RFC4: variants seen among roughly 807,000 people sequenced by gnomAD.
RFC4 encodes the protein A1 37 kDa subunit.
In RFC4, 38 loss-of-function variants were observed where a neutral mutation model predicts 47.6. The ratio of observed to expected loss-of-function variants is 0.80; its 90% CI spans 0.62 to 1.05. The LOEUF (loss-of-function observed/expected upper bound fraction) is 1.05, where lower values mean the gene tolerates loss of function less well. RFC4 is among the 50% of genes least tolerant of loss of function. The probability of loss-of-function intolerance (pLI) is 0.00; values close to 1 mark genes in which losing one functional copy is unlikely to be tolerated. For missense variants in RFC4, 489 were observed against 434.0 expected, an observed-to-expected ratio of 1.13 and a Z score of -1.13; for synonymous variants, 164 against 150.0, an observed-to-expected ratio of 1.09 and a Z score of -0.68.
At chr3:186,802,530 T>C (rs1560094261) in intron 2 of RFC4, among the ~76,000 whole-genome samples, 2 of 152,124 alleles carry the variant, frequency 1.3e-5, no homozygotes, top group African/African-American at 2.4e-5. Flanking sequence ...ATTCAATTCA[T>C]TGAGGGCTAA....
intron 2 of RFC4, among the ~76,000 whole-genome samples, chr3:186,803,220 G>A (rs1464558227): frequency 6.6e-6 from 1 of 151,970 alleles, no homozygotes; most frequent in Non-Finnish European, 1.5e-5. Context: ...GGGCATGTCT[G>A]TAATCCCAGC....
chr3:186,802,166 A>G lies in RFC4; in HGVS notation c.132-971T>C, dbSNP rs866178583. On this transcript the variant is annotated intron_variant, in intron 2 of 10. Transcript: ENST00000296273. The stretch of plus-strand genomic sequence containing the variant: ...TCAGGAGTTTGAGACCAGCCTGGTC[A>G]ACATGGTGAAACCCCGTCTGTATTA... 2.6e-5 allele frequency among the ~76,000 whole-genome samples: 4 copies of G among 152,252 alleles called. No homozygotes were observed. The South Asian group carries it at 6.2e-4, about 24-fold the overall frequency.
chr3:186,789,931 T>A lies in RFC4; in HGVS notation c.*38A>T. 7.9e-7 allele frequency: 1 copy of A among 1,273,690 alleles called. No individual in the cohort carries two copies. The highest frequency in any genetic ancestry group is 1.1e-6 in the Non-Finnish European group (1 of 884,948). The allele number at this position is 1,273,690 out of a possible 1,614,324, so 78.9% of individuals were successfully genotyped here. The stretch of plus-strand genomic sequence containing the variant: ...TGGTCATTTTATTTTTATTACAACT[T>A]CATTATTTACAAAACCCCCCATCCA... On this transcript the variant is annotated 3_prime_UTR_variant, in exon 11 of 11. Transcript: ENST00000296273.
intron 1 of RFC4, among the ~76,000 whole-genome samples, chr3:186,805,181 C>A (rs1456816741): frequency 1.3e-5 from 2 of 152,156 alleles, no homozygotes; most frequent in Non-Finnish European, 2.9e-5. Context: ...CAAATGAGAA[C>A]CTTCACTCCT....
rs1156587717 is a variant in RFC4, at chr3:186,789,922, ATTACAACTTCATTAT to A, written c.*32_*46del. ...AGGTGCTTTTGGTCATTTTATTTTTATTACAACTTCATTATTTACAAAACCCCCCATCCAGATATA... is the reference window on the plus strand; with the variant it reads ...AGGTGCTTTTGGTCATTTTATTTTTATTACAAAACCCCCCATCCAGATATA... On this transcript the variant is annotated 3_prime_UTR_variant, in exon 11 of 11. Transcript: ENST00000296273. 3 of 1,206,690 alleles carry A rather than the reference ATTACAACTTCATTAT, an allele frequency of 2.5e-6. No homozygotes were observed. Among genetic ancestry groups the A allele is most frequent in the East Asian group, 2.4e-5 (1 of 42,050 alleles). The allele number at this position is 1,206,690 out of a possible 1,614,324, so 74.7% of individuals were successfully genotyped here. A position where few individuals can be genotyped will look rare whatever the true frequency, so the allele number is the denominator to read the frequency against.
In RFC4 at chr3:186,790,262, TAA is replaced by T; in HGVS notation, c.883-9_883-8del. On this transcript the variant is annotated splice_polypyrimidine_tract_variant and splice_region_variant and intron_variant, in intron 9 of 10. Transcript: ENST00000296273. ...GACCCTCATCTATTAAATCCTATAA[TAA>T]AAAAAACTTTTGGTATGATGACTTA... 18 of 1,611,536 alleles carry T rather than the reference TAA, an allele frequency of 1.1e-5. No individual in the cohort carries two copies. Among genetic ancestry groups the T allele is most frequent in the Non-Finnish European group, 1.5e-5 (18 of 1,177,988 alleles).
Position 186,796,162 on chromosome 3 carries a change from T to C in RFC4, c.290+1373A>G, listed in dbSNP as rs1393175934. ...CATAAACATTTACATGCATCTATTT[T>C]CTATTTTAAAGCCACAATATTAAAT... is the stretch of plus-strand genomic sequence containing the variant. On this transcript the variant is annotated intron_variant, in intron 4 of 10. Coordinates refer to ENST00000296273, the MANE Select transcript of RFC4 (RefSeq NM_002916.5). The surrounding 1 kb of genome is among the most constrained non-coding windows in gnomAD (Gnocchi z 4.2). 6.6e-6 allele frequency among the ~76,000 whole-genome samples: 1 copy of C among 152,064 alleles called. No individual in the cohort carries two copies. The highest frequency in any genetic ancestry group is 2.4e-5 in the African/African-American group (1 of 41,408).
At chr3:186,792,665 G>T (rs3917131) in intron 6 of RFC4, 55 bp from the exon 7 acceptor site, 15,939 of 1,581,692 alleles carry the variant, frequency 0.01, 293 homozygotes, top group East Asian at 0.081. Flanking sequence ...TTCCCCAAAA[G>T]AACTCATTTT....
chr3:186,801,406 T>C, intron 2 of RFC4: 1 of 571,256 alleles, frequency 1.8e-6, no homozygotes, highest in Non-Finnish European at 3.1e-6. Context: ...ATGTTTTACT[T>C]CCTTTCTGCA....
rs3917134 is a variant in RFC4 at position 186,791,495 on chromosome 3, C to T, written c.801+230G>A. ...AAAAAAAAAAAAACAAAAAAACTAA[C>T]AACTGAAAGTGTCCTTTTCTTTCCT... On this transcript the variant is annotated intron_variant, in intron 8 of 10. Transcript: ENST00000296273. The T allele has an allele frequency of 1.3e-3, 601 of 478,372 alleles. 3 individuals carry two copies. The highest frequency in any genetic ancestry group is 0.011 in the African/African-American group (555 of 50,290). The allele number at this position is 478,372 out of a possible 1,614,324, so 29.6% of individuals were successfully genotyped here.
intron 2 of RFC4, among the ~76,000 whole-genome samples, chr3:186,802,733 T>A (rs572744080): frequency 5.3e-5 from 8 of 150,804 alleles, no homozygotes; most frequent in Admixed American, 5.3e-4. Flanking sequence ...GAATTATGAT[T>A]TTTTTTTTTA....
intron 8 of RFC4, among the ~76,000 whole-genome samples, 198 bp from the exon 9 acceptor site, chr3:186,790,604 T>C (rs970194761): frequency 3.3e-5 from 5 of 152,200 alleles, no homozygotes; most frequent in African/African-American, 1.2e-4. Context: ...CAACTGTGCT[T>C]TTAAAGCCCT....
At chr3:186,803,524 G>T (rs1722404335) in intron 2 of RFC4, among the ~76,000 whole-genome samples, 1 of 151,836 alleles carries the variant, frequency 6.6e-6, no homozygotes, top group African/African-American at 2.4e-5. Flanking sequence ...ATTTATTTGA[G>T]ACAGAGTCTC....
chr3:186,799,690 G>A (rs957526322), intron 3 of RFC4, among the ~76,000 whole-genome samples: 2 of 151,890 alleles, frequency 1.3e-5, no homozygotes, highest in African/African-American at 4.8e-5. Context: ...TCCAGCCTGC[G>A]TGACAGAGCA....
chr3:186,801,217 AAG>A, intron 2 of RFC4, 22 bp from the exon 3 acceptor site: 1 of 1,588,558 alleles, frequency 6.3e-7, no homozygotes, highest in Non-Finnish European at 8.6e-7. Context: ...AGAAGGAGGA[AAG>A]AGGTTATTTA....
intron 8 of RFC4, 25 bp from the exon 9 acceptor site, chr3:186,790,431 A>G (rs1239785392): frequency 6.5e-7 from 1 of 1,549,456 alleles, no homozygotes; most frequent in Non-Finnish European, 8.9e-7. Flanking sequence ...GTTCGGTATT[A>G]AAGATGTTTC....
chr3:186,803,910 G>A (rs566277209), intron 2 of RFC4, among the ~76,000 whole-genome samples: 34 of 152,134 alleles, frequency 2.2e-4, no homozygotes, highest in Middle Eastern at 6.8e-3. Flanking sequence ...GGCTGGGCGC[G>A]GTGGCTCATG....
chr3:186,792,062 T>TG (rs1443559988), intron 7 of RFC4, among the ~76,000 whole-genome samples: 1 of 152,184 alleles, frequency 6.6e-6, no homozygotes, highest in African/African-American at 2.4e-5. Context: ...TTTGCAGAGA[T>TG]GAAAAAATGT....
Position 186,795,508 on chromosome 3 carries a change from T to C in RFC4, c.291-731A>G, listed in dbSNP as rs565761087. Among the ~76,000 whole-genome samples the C allele has an allele frequency of 7.9e-5, 12 of 152,220 alleles. No individual in the cohort carries two copies. The South Asian group carries it at 2.3e-3, about 29-fold the overall frequency. On this transcript the variant is annotated intron_variant, in intron 4 of 10. Coordinates refer to ENST00000296273, the MANE Select transcript of RFC4 (RefSeq NM_002916.5). ...TTATAATATAGCACATTTTAAATTATTTCCGGCCGGATGTGGTGGCTCATG... is the reference window on the plus strand; with the variant it reads ...TTATAATATAGCACATTTTAAATTACTTCCGGCCGGATGTGGTGGCTCATG...
Sources: gnomAD v4.1 joint callset for allele counts (sites outside exome capture counted in the v4.1 genomes callset) on GRCh38, gnomAD v4.1.1 for gene constraint, Gnocchi (gnomAD v3.1) non-coding constraint, MANE v1.5 for transcripts, NCBI Gene and HGNC (gene_info 2026-07-23, HGNC 2026-07-21) for gene names.